The following MAGI1 variants were observed in gnomAD, a reference collection of about 807,000 sequenced individuals.
MAGI1 encodes the protein membrane-associated guanylate kinase, WW and PDZ domain-containing protein 1.
In MAGI1, 58 loss-of-function variants were observed where a neutral mutation model predicts 139.9. That is an observed-to-expected ratio of 0.41 (90% confidence interval 0.34 to 0.52). MAGI1 has a LOEUF of 0.52. Among genes scored for constraint, MAGI1 ranks in the 20% least tolerant of loss-of-function variants. The probability of loss-of-function intolerance (pLI) is 0.12; values close to 1 mark genes in which losing one functional copy is unlikely to be tolerated. For synonymous variants in MAGI1, 812 were observed against 737.9 expected (o/e 1.10, Z -1.63); for missense variants, 1,874 against 1,901.6 (o/e 0.99, Z 0.27).
intron 2 of MAGI1, among the ~76,000 whole-genome samples, chr3:65,500,635 G>A (rs992296337): frequency 6.6e-6 from 1 of 152,122 alleles, no homozygotes; most frequent in African/African-American, 2.4e-5. Context: ...AATCCTACTG[G>A]TGAAATTCTG....
intron 5 of MAGI1, among the ~76,000 whole-genome samples, chr3:65,462,205 C>T (rs879627402): frequency 5.3e-5 from 8 of 152,050 alleles, no homozygotes; most frequent in Non-Finnish European, 1.0e-4. Context: ...TGCCTATGTC[C>T]GGAAAGGTAT....
chr3:65,418,951 T>C (rs1391043419), intron 12 of MAGI1, among the ~76,000 whole-genome samples: 1 of 152,176 alleles, frequency 6.6e-6, no homozygotes, highest in Admixed American at 6.5e-5. Flanking sequence ...CTTGTGACAC[T>C]GTCTTCTCTT....
chr3:65,661,745 G>GTTTTTTTTTTTTTTTTTTTTTTTGTT (rs11369893), intron 1 of MAGI1, among the ~76,000 whole-genome samples: 1 of 93,920 alleles, frequency 1.1e-5, no homozygotes, highest in African/African-American at 4.2e-5. Context: ...GTTTTTTTCT[G>GTTTTTTTTTTTTTTTTTTTTTTTGTT]TTTTTTTTTT....
At chr3:65,931,613 G>A (rs921276066) in intron 1 of MAGI1, among the ~76,000 whole-genome samples, 6 of 152,192 alleles carry the variant, frequency 3.9e-5, no homozygotes, top group African/African-American at 1.4e-4. Context: ...GCAGTGGGCC[G>A]AGATTGTGCT....
At chr3:65,865,304 C>A (rs1170666119) in intron 1 of MAGI1, among the ~76,000 whole-genome samples, 3 of 151,202 alleles carry the variant, frequency 2.0e-5, no homozygotes, top group Admixed American at 6.6e-5. Flanking sequence ...TGTTAAACTT[C>A]AAAAAAAAAG....
intron 1 of MAGI1, among the ~76,000 whole-genome samples, chr3:65,852,979 CAAA>C (rs57460083): frequency 0.025 from 2,554 of 104,236 alleles, 45 homozygotes; most frequent in Middle Eastern, 0.078. Context: ...ACTAAAAATA[CAAA>C]AAAAAAAAAA....
chr3:65,440,841 ATATACATATG>A (rs66756529), intron 8 of MAGI1, among the ~76,000 whole-genome samples: 74,530 of 141,614 alleles, frequency 0.53, 20,278 homozygotes, highest in East Asian at 0.78. Flanking sequence ...ACATATACAT[ATATACATATG>A]TATACATATA....
intron 1 of MAGI1, among the ~76,000 whole-genome samples, chr3:65,878,990 C>T (rs2060225331): frequency 6.6e-6 from 1 of 152,142 alleles, no homozygotes; most frequent in Non-Finnish European, 1.5e-5. Context: ...GCTGCCTGAG[C>T]TCCTGCTGGG....
chr3:65,695,427 T>C (rs1203237609), intron 1 of MAGI1, among the ~76,000 whole-genome samples: 1 of 152,172 alleles, frequency 6.6e-6, no homozygotes, highest in African/African-American at 2.4e-5. Context: ...CTGGATATCC[T>C]CCGCTTCAGT....
At chr3:65,601,668 T>C (rs2082487267) in intron 2 of MAGI1, among the ~76,000 whole-genome samples, 1 of 152,010 alleles carries the variant, frequency 6.6e-6, no homozygotes. Flanking sequence ...TAAAACTCTT[T>C]TAAGAGTAAG....
intron 1 of MAGI1, among the ~76,000 whole-genome samples, chr3:65,959,963 G>T (rs1469238532): frequency 2.7e-5 from 4 of 150,680 alleles, no homozygotes; most frequent in African/African-American, 9.8e-5. Flanking sequence ...CCGCCATCAC[G>T]CCCAGCTAAT....
intron 1 of MAGI1, among the ~76,000 whole-genome samples, chr3:65,869,612 G>A (rs1231166088): frequency 2.6e-5 from 4 of 151,898 alleles, no homozygotes; most frequent in Admixed American, 6.6e-5. Flanking sequence ...GTGTTAGCCA[G>A]GATGGTCTCG....
chr3:65,659,150 T>C (rs1389461168), intron 1 of MAGI1, among the ~76,000 whole-genome samples: 13 of 152,136 alleles, frequency 8.5e-5, no homozygotes, highest in Non-Finnish European at 1.5e-5. Context: ...CTCAAGTCCA[T>C]GTTCTTAACC....
chr3:65,776,345 CA>C (rs927842496), intron 1 of MAGI1, among the ~76,000 whole-genome samples: 14 of 146,180 alleles, frequency 9.6e-5, no homozygotes, highest in African/African-American at 2.8e-4. Flanking sequence ...ATATTAATGT[CA>C]AAAAAAAGTG....
intron 1 of MAGI1, among the ~76,000 whole-genome samples, chr3:65,786,173 C>G (rs776836671): frequency 6.6e-6 from 1 of 151,406 alleles, no homozygotes; most frequent in Non-Finnish European, 1.5e-5. Flanking sequence ...CCAGGCTGGT[C>G]TCGAACTTCT....
chr3:65,976,353 G>A (rs1021826802), intron 1 of MAGI1, among the ~76,000 whole-genome samples: 4 of 152,102 alleles, frequency 2.6e-5, no homozygotes, highest in African/African-American at 9.7e-5. Flanking sequence ...TTTGGGCCAG[G>A]CATGGTGGCT....
chr3:65,813,393 G>C (rs570974937), intron 1 of MAGI1, among the ~76,000 whole-genome samples: 6 of 151,818 alleles, frequency 4.0e-5, no homozygotes, highest in Non-Finnish European at 7.4e-5. Flanking sequence ...GGGGGAAAAG[G>C]AAGAAAACAA....
At position 65,356,184 on chromosome 3, in the gene MAGI1, T is replaced by C. The variant is rs1487763083; in HGVS notation, c.*194A>G. ...ATGCATTTAAAAATACTTTCTTTAA[T>C]ATGATACATCAGGCACAATACTTTT... On this transcript the variant is annotated 3_prime_UTR_variant, in exon 23 of 23. Coordinates refer to ENST00000402939, the MANE Select transcript of MAGI1 (RefSeq NM_001033057.2). The C allele has an allele frequency of 6.2e-6, 3 of 483,222 alleles. No individual in the cohort carries two copies. The allele number at this position is 483,222 out of a possible 1,614,324, so 29.9% of individuals were successfully genotyped here.
intron 2 of MAGI1, among the ~76,000 whole-genome samples, chr3:65,519,024 T>C (rs540754326): frequency 1.3e-5 from 2 of 152,202 alleles, no homozygotes; most frequent in East Asian, 1.9e-4. Context: ...GCAGGAGCCA[T>C]GGGCCAGGCC....
Sources: gnomAD v4.1 joint callset for allele counts (sites outside exome capture counted in the v4.1 genomes callset) on GRCh38, gnomAD v4.1.1 for gene constraint, MANE v1.5 for transcripts, NCBI Gene and HGNC (gene_info 2026-07-23, HGNC 2026-07-21) for gene names.